DIXDC1: variants seen among roughly 807,000 people sequenced by gnomAD.
The protein encoded by DIXDC1 is DIX domain containing 1.
Under a neutral mutation model 103.1 loss-of-function variants are expected in DIXDC1, and 64 were observed. That is an observed-to-expected ratio of 0.62 (90% CI 0.51 to 0.76). DIXDC1 has a LOEUF of 0.76. Ranked by LOEUF, DIXDC1 falls within the 30% of genes least tolerant of loss-of-function variation. The probability of loss-of-function intolerance (pLI) is 0.00; values close to 1 mark genes in which losing one functional copy is unlikely to be tolerated. For synonymous variants in DIXDC1, 266 were observed against 298.5 expected, an observed-to-expected ratio of 0.89 and a Z score of 1.12; for missense variants, 759 against 834.2, an observed-to-expected ratio of 0.91 and a Z score of 1.11.
At chr11:112,016,351 A>G (rs587599637) in intron 17 of DIXDC1, among the ~76,000 whole-genome samples, 68 of 152,252 alleles carry the variant, frequency 4.5e-4, no homozygotes, top group Non-Finnish European at 4.7e-4. Context: ...ATATTGGCAG[A>G]GTCTACAGCT....
At chr11:111,999,498 G>A (rs1179165651) in intron 17 of DIXDC1, among the ~76,000 whole-genome samples, 1 of 152,184 alleles carries the variant, frequency 6.6e-6, no homozygotes, top group Non-Finnish European at 1.5e-5. Flanking sequence ...AGAAAACATA[G>A]AGAAAAATAT....
At chr11:111,969,933 C>G (rs1448863015) in intron 3 of DIXDC1, among the ~76,000 whole-genome samples, 1 of 152,192 alleles carries the variant, frequency 6.6e-6, no homozygotes, top group African/African-American at 2.4e-5. Context: ...AACTATCTCT[C>G]TTCACTGATG....
At chr11:111,957,766 A>C (rs1566485740) in intron 1 of DIXDC1, among the ~76,000 whole-genome samples, 2 of 152,254 alleles carry the variant, frequency 1.3e-5, no homozygotes, top group South Asian at 4.1e-4. Flanking sequence ...AGATCTTGGA[A>C]GGGATCCTGG....
Position 112,017,702 on chromosome 11 carries a change from GTGT to G in DIXDC1, c.1863-73_1863-71del. On this transcript the variant is annotated intron_variant, in intron 18 of 19. Transcript: ENST00000440460. The surrounding 1 kb of genome is among the most constrained non-coding windows in gnomAD (Gnocchi z 4.0). ...TGCTTATTGACTTTGGCAGGGGGCT[GTGT>G]TTAAAGTTAACATCTTATCTTTCCA... 1 of 1,259,174 alleles carries G rather than the reference GTGT, an allele frequency of 7.9e-7. No homozygotes were observed. Among genetic ancestry groups the G allele is most frequent in the East Asian group, 2.6e-5 (1 of 38,582 alleles). The allele number at this position is 1,259,174 out of a possible 1,614,324, so 78.0% of individuals were successfully genotyped here.
intron 1 of DIXDC1, among the ~76,000 whole-genome samples, chr11:111,956,385 TA>T (rs1409289486): frequency 2.6e-5 from 4 of 152,190 alleles, no homozygotes; most frequent in African/African-American, 9.7e-5. Context: ...ATCACAATTT[TA>T]AAAAAATGAC....
At chr11:111,934,051 TATGTA>T (rs1966121671), upstream of DIXDC1, among the ~76,000 whole-genome samples, 1 of 152,252 alleles carries the variant, frequency 6.6e-6, no homozygotes, top group African/African-American at 2.4e-5. Flanking sequence ...CTTGCATTCT[TATGTA>T]ATGTAATGTT....
chr11:111,931,221 A>G (rs1206070612), intron 2 of DIXDC1, among the ~76,000 whole-genome samples: 1 of 152,030 alleles, frequency 6.6e-6, no homozygotes, highest in African/African-American at 2.4e-5. Flanking sequence ...TGTAGTCCCA[A>G]CTACTCAGGA....
At position 111,969,713 on chromosome 11, in the gene DIXDC1, G is replaced by A. The variant is rs782332126; in HGVS notation, c.316+1075G>A. On this transcript the variant is annotated intron_variant, in intron 3 of 19. Transcript: ENST00000440460. Reference sequence around the variant, plus strand: ...TTGCCTTTGGGTCTCATGACAATAGGGGCAGAACGGCTCATGTTGGATTAT... The same window carrying A: ...TTGCCTTTGGGTCTCATGACAATAGAGGCAGAACGGCTCATGTTGGATTAT... Among the ~76,000 whole-genome samples the A allele has an allele frequency of 2.0e-5, 3 of 152,256 alleles. No homozygotes were observed. The East Asian group carries it at 5.8e-4, about 29-fold the overall frequency.
chr11:111,994,452 CAT>C (rs1860811989), intron 14 of DIXDC1, among the ~76,000 whole-genome samples: 1 of 151,268 alleles, frequency 6.6e-6, no homozygotes, highest in Non-Finnish European at 1.5e-5. Context: ...CATATATATA[CAT>C]ACACACATAT....
intron 17 of DIXDC1, among the ~76,000 whole-genome samples, chr11:112,006,970 A>AC (rs1861257745): frequency 6.6e-6 from 1 of 152,214 alleles, no homozygotes. Context: ...TGATGAGTTG[A>AC]CAGAAGTCGG....
At chr11:111,959,235 G>C (rs1020947809) in intron 1 of DIXDC1, among the ~76,000 whole-genome samples, 1 of 152,234 alleles carries the variant, frequency 6.6e-6, no homozygotes, top group Non-Finnish European at 1.5e-5. Flanking sequence ...ACAGAGGAGA[G>C]AAGAGCTGCA....
In DIXDC1 at chr11:111,977,466, G is replaced by C. The variant is rs1177339795; in HGVS notation, c.656+2483G>C. The C allele has an allele frequency of 6.2e-6, 8 of 1,291,438 alleles. No homozygotes were observed. The highest frequency in any genetic ancestry group is 7.8e-6 in the Non-Finnish European group (8 of 1,020,346). 80.0% of individuals were successfully genotyped at this position (1,291,438 alleles called of 1,614,324 possible). ...GCGGAGGCCAAGATGCAGCGGCCAG[G>C]GGCCGGCAGCCTGCGAGGGGAGGCA... On this transcript the variant is annotated intron_variant, in intron 5 of 19. Transcript: ENST00000440460. This position sits in a 1 kb window ranked among gnomAD's most constrained non-coding sequence, Gnocchi z 6.1.
At position 111,994,976 on chromosome 11, in the gene DIXDC1, C is replaced by T. The variant is rs587614513; in HGVS notation, c.1438-43C>T. On this transcript the variant is annotated intron_variant, in intron 14 of 19. Transcript: ENST00000440460. ...AAAATAAGATAGCACATCTGGTTTA[C>T]AATTCTCCCTTTAACAAGCAACATT... 11 of 1,572,684 alleles carry T rather than the reference C, an allele frequency of 7.0e-6. No homozygotes were observed. The African/African-American group carries it at 1.4e-4, about 19-fold the overall frequency.
At chr11:111,947,606 A>G (rs782297451) in intron 1 of DIXDC1, among the ~76,000 whole-genome samples, 11 of 152,214 alleles carry the variant, frequency 7.2e-5, no homozygotes, top group Non-Finnish European at 1.3e-4. Context: ...TCTTCAGGTC[A>G]AAGAGAGACA....
At chr11:111,933,198 G>A (rs1331102944), upstream of DIXDC1, among the ~76,000 whole-genome samples, 3 of 151,568 alleles carry the variant, frequency 2.0e-5, no homozygotes, top group Non-Finnish European at 4.4e-5. Flanking sequence ...GTGTGATCTC[G>A]GCTCACCTCA....
chr11:111,944,166 G>A (rs1966517135), intron 1 of DIXDC1, among the ~76,000 whole-genome samples: 1 of 152,102 alleles, frequency 6.6e-6, no homozygotes, highest in Admixed American at 6.6e-5. Flanking sequence ...TGCTGCTGGA[G>A]GGTCTCAGAG....
exon 2 of DIXDC1, chr11:111,929,897 C>T: frequency 1.3e-6 from 2 of 1,536,000 alleles, no homozygotes; most frequent in Non-Finnish European, 1.7e-6. Context: ...TCCTTGCTGC[C>T]AACAGAGCCT....
chr11:111,964,602 A>G lies in DIXDC1; in HGVS notation c.114A>G (p.Pro38=). 1 of 1,611,804 alleles carries G rather than the reference A, an allele frequency of 6.2e-7. No homozygotes were observed. Among genetic ancestry groups the G allele is most frequent in the African/African-American group, 1.3e-5 (1 of 75,032 alleles). Residue 38 remains proline (P), a synonymous_variant, in exon 2 of 20, where the codon CCA becomes CCG. Coordinates refer to ENST00000440460, the MANE Select transcript of DIXDC1 (RefSeq NM_001037954.4). ...AWVNAQLKKR[P]AVKPVQDLRQ... is the part of the protein sequence containing the mutation. ...TGAATGCACAGCTGAAGAAGAGGCC[A>G]GCAGTGAAGCCTGTGCAGGACCTGC...
At position 111,948,432 on chromosome 11, in the gene DIXDC1, C is replaced by T. The variant is rs367864484; in HGVS notation, c.60+10873C>T. ...GTCACTTCAAGCACTTTCAACACCA[C>T]GCTTACTTCCTTTGCCCTGGTGGTC... On this transcript the variant is annotated intron_variant, in intron 1 of 19. Coordinates refer to ENST00000440460, the MANE Select transcript of DIXDC1 (RefSeq NM_001037954.4). 5.8e-4 allele frequency among the ~76,000 whole-genome samples: 88 copies of T among 152,322 alleles called. 1 individual carries two copies. The highest frequency in any genetic ancestry group is 2.0e-3 in the African/African-American group (85 of 41,548).
Sources: allele counts gnomAD v4.1 joint callset (sites outside exome capture counted in the v4.1 genomes callset), GRCh38; gene constraint gnomAD v4.1.1; non-coding constraint Gnocchi (gnomAD v3.1); transcripts MANE v1.5; gene names NCBI Gene and HGNC (gene_info 2026-07-23, HGNC 2026-07-21).